EYS: variants seen among roughly 807,000 people sequenced by gnomAD.
The protein encoded by EYS is EGF-like photoreceptor maintenance factor, also known as protein eyes shut homolog.
In EYS, 250 loss-of-function variants were observed where a neutral mutation model predicts 282.1. The ratio of observed to expected loss-of-function variants is 0.89; its 90% confidence interval spans 0.80 to 0.98. The LOEUF is 0.98. Ranked by LOEUF, EYS falls within the 50% of genes least tolerant of loss-of-function variation. The pLI, the probability that EYS is intolerant of heterozygous loss-of-function variation, is 0.00. For missense variants in EYS, 4,016 were observed against 3,709.0 expected (o/e 1.08, Z -2.15); for synonymous variants, 1,355 against 1,282.9 (o/e 1.06, Z -1.20).
At chr6:64,611,970 A>G (rs1767127379) in intron 24 of EYS, among the ~76,000 whole-genome samples, 1 of 152,128 alleles carries the variant, frequency 6.6e-6, no homozygotes, top group African/African-American at 2.4e-5. Context: ...GTCATCTCAA[A>G]CACAGAAAAC....
At chr6:64,408,160 T>C (rs1372428571) in intron 28 of EYS, among the ~76,000 whole-genome samples, 2 of 151,864 alleles carry the variant, frequency 1.3e-5, no homozygotes, top group Non-Finnish European at 2.9e-5. Context: ...AAATGGAGAA[T>C]AAATAATGAG....
chr6:65,031,219 C>T (rs1772594601), intron 13 of EYS, among the ~76,000 whole-genome samples: 1 of 150,756 alleles, frequency 6.6e-6, no homozygotes, highest in Non-Finnish European at 1.5e-5. Context: ...CTGGAGCACC[C>T]AGGTTCATAA....
intron 31 of EYS, among the ~76,000 whole-genome samples, chr6:64,194,212 C>G (rs1488154017): frequency 6.6e-6 from 1 of 152,056 alleles, no homozygotes; most frequent in Non-Finnish European, 1.5e-5. Flanking sequence ...TGGAAGAACA[C>G]ACCCCCACCA....
intron 1 of EYS, among the ~76,000 whole-genome samples, chr6:65,646,074 T>C (rs1444721989): frequency 6.6e-6 from 1 of 152,078 alleles, no homozygotes; most frequent in African/African-American, 2.4e-5. Flanking sequence ...ATCAGATGGA[T>C]TCACAGCTGA....
chr6:64,931,773 C>G (rs1020810418), intron 15 of EYS, among the ~76,000 whole-genome samples: 2 of 152,066 alleles, frequency 1.3e-5, no homozygotes, highest in East Asian at 3.9e-4. Flanking sequence ...TACTTTCTAG[C>G]TAAGGAAACT....
intron 41 of EYS, among the ~76,000 whole-genome samples, chr6:63,757,926 G>T (rs1269530710): frequency 6.6e-6 from 1 of 152,036 alleles, no homozygotes; most frequent in Non-Finnish European, 1.5e-5. Flanking sequence ...TTAGATACAG[G>T]GTCTCATTCT....
chr6:64,280,328 TGACTTAAC>T (rs1768260685), intron 30 of EYS, among the ~76,000 whole-genome samples: 2 of 152,098 alleles, frequency 1.3e-5, no homozygotes, highest in South Asian at 4.1e-4. Context: ...TGCAGGCAGG[TGACTTAAC>T]CTCACCTAGA....
chr6:65,251,538 T>C (rs150405099), intron 12 of EYS, among the ~76,000 whole-genome samples: 31 of 151,968 alleles, frequency 2.0e-4, no homozygotes, highest in African/African-American at 6.0e-4. Flanking sequence ...AAGATAACAA[T>C]ATACCAACTC....
At chr6:65,186,980 C>T (rs1351263944) in intron 12 of EYS, among the ~76,000 whole-genome samples, 2 of 151,696 alleles carry the variant, frequency 1.3e-5, no homozygotes, top group African/African-American at 2.4e-5. Flanking sequence ...AAAGTAACAG[C>T]GTTCACTATT....
chr6:64,033,063 C>A (rs1044902223), intron 33 of EYS, among the ~76,000 whole-genome samples: 1 of 152,176 alleles, frequency 6.6e-6, no homozygotes, highest in Non-Finnish European at 1.5e-5. Context: ...TCCTATCACT[C>A]AGGAGGTTAC....
chr6:65,444,534 T>C (rs1276228768), intron 5 of EYS, among the ~76,000 whole-genome samples: 2 of 152,206 alleles, frequency 1.3e-5, no homozygotes, highest in East Asian at 3.9e-4. Flanking sequence ...ATTGTAATCC[T>C]TTAAGGCACC....
chr6:64,548,828 TAA>T (rs5876907), intron 26 of EYS, among the ~76,000 whole-genome samples: 5 of 147,190 alleles, frequency 3.4e-5, no homozygotes, highest in Non-Finnish European at 7.5e-5. Flanking sequence ...TAAAGTATAA[TAA>T]AAAAAAAAGA....
intron 26 of EYS, among the ~76,000 whole-genome samples, chr6:64,589,431 T>C (rs1040432668): frequency 6.6e-6 from 1 of 152,122 alleles, no homozygotes; most frequent in Non-Finnish European, 1.5e-5. Flanking sequence ...AAAGTAACAC[T>C]TGAAAATTCC....
chr6:64,504,272 C>T (rs534842893), intron 26 of EYS, among the ~76,000 whole-genome samples: 1 of 152,166 alleles, frequency 6.6e-6, no homozygotes, highest in Admixed American at 6.5e-5. Flanking sequence ...ATAATTATTC[C>T]CTCAAGTTTT....
intron 31 of EYS, among the ~76,000 whole-genome samples, chr6:64,177,056 T>G (rs1764658795): frequency 6.6e-6 from 1 of 151,822 alleles, no homozygotes; most frequent in Non-Finnish European, 1.5e-5. Flanking sequence ...GAAGAATGGA[T>G]TTTACAAATA....
intron 41 of EYS, among the ~76,000 whole-genome samples, chr6:63,756,486 A>T (rs1209312892): frequency 1.3e-5 from 2 of 152,174 alleles, no homozygotes; most frequent in African/African-American, 4.8e-5. Context: ...CAACTTGATC[A>T]TGGTGGATAA....
In EYS at chr6:65,214,910, G is replaced by A. The variant is rs140579132; in HGVS notation, c.2023+80953C>T. On this transcript the variant is annotated intron_variant, in intron 12 of 42. Transcript: ENST00000503581. ...TGGAACAAGTCCTGGATGATGGCAC[G>A]TCTGGTTACAGGATGGTTTACTCAA... Among the ~76,000 whole-genome samples, 676 of 152,190 alleles carry A rather than the reference G, an allele frequency of 4.4e-3. 8 individuals are homozygous for A. The highest frequency in any genetic ancestry group is 0.018 in the Admixed American group (268 of 15,276).
At chr6:65,515,077 C>T (rs1476256569) in intron 2 of EYS, among the ~76,000 whole-genome samples, 1 of 152,178 alleles carries the variant, frequency 6.6e-6, no homozygotes, top group Non-Finnish European at 1.5e-5. Context: ...CTACAACGAA[C>T]TCAAACAAAT....
intron 22 of EYS, among the ~76,000 whole-genome samples, chr6:64,801,167 C>T (rs972884231): frequency 6.6e-6 from 1 of 151,936 alleles, no homozygotes; most frequent in Non-Finnish European, 1.5e-5. Context: ...CATTTTAGGG[C>T]CAGTCATAAG....
Sources: allele counts gnomAD v4.1 joint callset (sites outside exome capture counted in the v4.1 genomes callset), GRCh38; gene constraint gnomAD v4.1.1; transcripts MANE v1.5; gene names NCBI Gene and HGNC (gene_info 2026-07-23, HGNC 2026-07-21).